Variants in IGF2BP1 observed in about 807,000 individuals in gnomAD.
IGF2BP1 encodes the protein insulin like growth factor 2 mRNA binding protein 1, also known as insulin-like growth factor 2 mRNA-binding protein 1.
In IGF2BP1, 11 loss-of-function variants were observed where a neutral mutation model predicts 74.9. That is an observed-to-expected ratio of 0.15 (90% CI 0.09 to 0.24). The LOEUF is 0.24. Among genes scored for constraint, IGF2BP1 ranks in the 10% least tolerant of loss-of-function variants. IGF2BP1 has a pLI of 1.00. For synonymous variants in IGF2BP1, 287 were observed against 281.8 expected (o/e 1.02, Z -0.18); for missense variants, 440 against 757.4 (o/e 0.58, Z 4.92).
At chr17:49,017,261 T>G (rs2041717219) in intron 2 of IGF2BP1, among the ~76,000 whole-genome samples, 1 of 152,122 alleles carries the variant, frequency 6.6e-6, no homozygotes, top group Non-Finnish European at 1.5e-5. Flanking sequence ...TGGTTAGCTT[T>G]GTCCTCTTAT....
chr17:49,020,682 G>GT (rs1262431930), intron 2 of IGF2BP1, among the ~76,000 whole-genome samples: 1 of 152,186 alleles, frequency 6.6e-6, no homozygotes, highest in Admixed American at 6.5e-5. Flanking sequence ...TGAACAGTGG[G>GT]TCTGCACCGT....
intron 4 of IGF2BP1, among the ~76,000 whole-genome samples, chr17:49,031,149 C>T (rs911140503): frequency 3.3e-5 from 5 of 152,206 alleles, no homozygotes. Flanking sequence ...GACTGGCTCT[C>T]ACTCTATCAC....
rs1173025242 is a variant in IGF2BP1 at position 49,052,985 on chromosome 17, C to T, written c.*3541C>T. 15 of 152,234 alleles carry T rather than the reference C, an allele frequency of 9.9e-5. No homozygotes were observed. The highest frequency in any genetic ancestry group is 7.3e-5 in the Non-Finnish European group (5 of 68,058). The allele number at this position is 152,234 out of a possible 1,614,324, so 9.4% of individuals were successfully genotyped here. On this transcript the variant is annotated 3_prime_UTR_variant, in exon 15 of 15. Transcript: ENST00000290341. The stretch of plus-strand genomic sequence containing the variant: ...TTACACCCCAAATGGCTTTAATCCC[C>T]TCTCGGGTCTGGTTGCCTTTTGCAG...
At chr17:49,013,522 T>TC (rs1281871208) in intron 2 of IGF2BP1, 1 of 152,436 alleles carries the variant, frequency 6.6e-6, no homozygotes, top group African/African-American at 2.4e-5. Context: ...TTCCAGCCTC[T>TC]CCCTGGCTTC....
In IGF2BP1 at chr17:49,042,336, A is replaced by G; in HGVS notation, c.1036A>G (p.Lys346Glu). 6.2e-7 allele frequency: 1 copy of G among 1,614,044 alleles called. No homozygotes were observed. Among genetic ancestry groups the G allele is most frequent in the Non-Finnish European group, 8.5e-7 (1 of 1,180,014 alleles). Residue 346 changes from lysine (K) to glutamate (E), a missense_variant, in exon 9 of 15, where the codon AAA (lysine) becomes GAA (glutamate). Physicochemically the swap from Lys to Glu is moderately conservative, Grantham distance 56. Transcript: ENST00000290341. ...CAGGGCCGAGCAGGAAATAATGAAGAAAGTTCGGGAGGCCTATGAGAATGA... is the reference window on the plus strand; with the variant it reads ...CAGGGCCGAGCAGGAAATAATGAAGGAAGTTCGGGAGGCCTATGAGAATGA... Reference protein sequence around the residue: ...CCRAEQEIMKKVREAYENDVA... With the variant: ...CCRAEQEIMKEVREAYENDVA...
At chr17:49,005,076 TA>T (rs1164957230) in intron 2 of IGF2BP1, among the ~76,000 whole-genome samples, 1 of 152,210 alleles carries the variant, frequency 6.6e-6, no homozygotes, top group African/African-American at 2.4e-5. Flanking sequence ...GTCATCCTAC[TA>T]TTAAAATTTA....
chr17:49,040,208 A>G (rs1427966671), intron 7 of IGF2BP1, 117 bp downstream of exon 7: 1 of 1,139,148 alleles, frequency 8.8e-7, no homozygotes, highest in African/African-American at 1.6e-5. Context: ...ATTGCACAAA[A>G]AGATGTAAAC....
intron 4 of IGF2BP1, among the ~76,000 whole-genome samples, chr17:49,027,172 T>C (rs922908079): frequency 9.2e-5 from 14 of 152,196 alleles, no homozygotes; most frequent in African/African-American, 3.4e-4. Context: ...CTTGGTTATC[T>C]GTGGAACTGG....
chr17:49,055,644 C>A lies in IGF2BP1; in HGVS notation c.*6200C>A. ...ACCATAATGAATAAACGTCCTCTATCACCATTTGGAGTCTCCCTTTTCTCC... is the reference window on the plus strand; with the variant it reads ...ACCATAATGAATAAACGTCCTCTATAACCATTTGGAGTCTCCCTTTTCTCC... On this transcript the variant is annotated 3_prime_UTR_variant, in exon 15 of 15. Coordinates refer to ENST00000290341, the MANE Select transcript of IGF2BP1 (RefSeq NM_006546.4). The A allele has an allele frequency of 2.5e-6, 1 of 398,614 alleles. No homozygotes were observed. The highest frequency in any genetic ancestry group is 4.4e-6 in the Non-Finnish European group (1 of 226,078). 24.7% of individuals were successfully genotyped at this position (398,614 alleles called of 1,614,324 possible). A position where few individuals can be genotyped will look rare whatever the true frequency, so the allele number is the denominator to read the frequency against.
intron 5 of IGF2BP1, among the ~76,000 whole-genome samples, chr17:49,033,743 T>C (rs1364414635): frequency 2.0e-5 from 3 of 152,216 alleles, no homozygotes; most frequent in Non-Finnish European, 2.9e-5. Flanking sequence ...ATACCAAATA[T>C]ACTGAGACTC....
chr17:49,013,862 G>A (rs1364217707), intron 2 of IGF2BP1: 1 of 152,362 alleles, frequency 6.6e-6, no homozygotes, highest in African/African-American at 2.4e-5. Flanking sequence ...CCGCCGGACA[G>A]GTTTGGAGCG....
intron 2 of IGF2BP1, among the ~76,000 whole-genome samples, chr17:49,018,983 G>A (rs1364452827): frequency 2.0e-5 from 3 of 152,084 alleles, no homozygotes; most frequent in Non-Finnish European, 2.9e-5. Context: ...AGGGGAATTG[G>A]GGCCCCAAAC....
At chr17:49,008,985 G>T (rs2041584293) in intron 2 of IGF2BP1, among the ~76,000 whole-genome samples, 2 of 151,940 alleles carry the variant, frequency 1.3e-5, no homozygotes, top group African/African-American at 4.8e-5. Flanking sequence ...ACAAGTGAAA[G>T]ACCCTGATCT....
At chr17:49,010,656 TTGAG>T (rs1248460234) in intron 2 of IGF2BP1, among the ~76,000 whole-genome samples, 2 of 152,134 alleles carry the variant, frequency 1.3e-5, no homozygotes, top group Admixed American at 6.5e-5. Flanking sequence ...TGATTATTAA[TTGAG>T]TTTTTATTTA....
In IGF2BP1 at chr17:49,038,284, C is replaced by T. The variant is rs554770601; in HGVS notation, c.518C>T (p.Ser173Phe). ...PENGRRGGFG[S>F]RGQPRQGSPV... The stretch of plus-strand genomic sequence containing the variant: ...AATGGGCGCCGAGGGGGCTTTGGCT[C>T]TCGGGGTCAGCCCCGCCAGGGCTCA... The change falls in exon 6 of 15, where the codon TCT becomes TTT. Residue 173 changes from serine (S) to phenylalanine (F), a missense_variant. By Grantham distance (155) the Ser-to-Phe change is radical. Coordinates refer to ENST00000290341, the MANE Select transcript of IGF2BP1 (RefSeq NM_006546.4). 6.9e-6 allele frequency: 11 copies of T among 1,602,716 alleles called. No homozygotes were observed. In the Admixed American group the frequency reaches 6.9e-5, roughly 10 times the overall value.
In IGF2BP1 at chr17:49,052,709, C is replaced by T. The variant is rs2042181283; in HGVS notation, c.*3265C>T. On this transcript the variant is annotated 3_prime_UTR_variant, in exon 15 of 15. Transcript: ENST00000290341. The stretch of plus-strand genomic sequence containing the variant: ...CTTAGGGCAACTCCTTGCCCTCCTG[C>T]TCAGCACCTCCATTTCCCCATCCTT... 6.6e-6 allele frequency: 1 copy of T among 152,568 alleles called. No homozygotes were observed. The highest frequency in any genetic ancestry group is 2.1e-4 in the South Asian group (1 of 4,820). 9.5% of individuals were successfully genotyped at this position (152,568 alleles called of 1,614,324 possible).
At chr17:49,005,156 G>A (rs2041535449) in intron 2 of IGF2BP1, among the ~76,000 whole-genome samples, 1 of 152,178 alleles carries the variant, frequency 6.6e-6, no homozygotes. Flanking sequence ...AATACAACAG[G>A]CTGGAACAAA....
intron 2 of IGF2BP1, chr17:49,014,922 C>T: frequency 1.0e-6 from 1 of 985,324 alleles, no homozygotes; most frequent in Non-Finnish European, 1.2e-6. Context: ...GCTGTTCCCT[C>T]TGGAGGACAG....
chr17:49,013,611 G>T (rs966170311), intron 2 of IGF2BP1: 1 of 152,392 alleles, frequency 6.6e-6, no homozygotes, highest in Non-Finnish European at 1.5e-5. Flanking sequence ...TCCCCCACAG[G>T]ACCACCTCAG....
Sources: gnomAD v4.1 joint callset for allele counts (sites outside exome capture counted in the v4.1 genomes callset) on GRCh38, gnomAD v4.1.1 for gene constraint, MANE v1.5 for transcripts, NCBI Gene and HGNC (gene_info 2026-07-23, HGNC 2026-07-21) for gene names.